The following BICC1 variants were observed in gnomAD, a reference collection of about 807,000 sequenced individuals.
BICC1 encodes protein bicaudal C homolog 1.
In BICC1, 43 loss-of-function variants were observed where a neutral mutation model predicts 111.0. That is an observed-to-expected ratio of 0.39 (90% CI 0.30 to 0.50). BICC1 has a LOEUF of 0.50. Ranked by LOEUF, BICC1 falls within the 20% of genes least tolerant of loss-of-function variation. The probability of loss-of-function intolerance (pLI) is 0.88; values close to 1 mark genes in which losing one functional copy is unlikely to be tolerated. For synonymous variants in BICC1, 467 were observed against 434.4 expected (o/e 1.07, Z -0.93); for missense variants, 1,091 against 1,203.2 (o/e 0.91, Z 1.38).
In BICC1 at chr10:58,598,528, C is replaced by G. The variant is rs527711450; in HGVS notation, c.191-22327C>G. On this transcript the variant is annotated intron_variant, in intron 1 of 20. Coordinates refer to ENST00000373886, the MANE Select transcript of BICC1 (RefSeq NM_001080512.3). ...AACTCAAGCTGGGTCAGAGACTTAA[C>G]TGTAAGACCTAGGACCATAAAAATC... is the stretch of plus-strand genomic sequence containing the variant. Among the ~76,000 whole-genome samples the G allele has an allele frequency of 6.6e-5, 10 of 152,170 alleles. No homozygotes were observed. The East Asian group carries it at 1.9e-3, about 29-fold the overall frequency.
chr10:58,790,946 T>C lies in BICC1; in HGVS notation c.1047+1013T>C, dbSNP rs181708037. Among the ~76,000 whole-genome samples, 72 of 152,358 alleles carry C rather than the reference T, an allele frequency of 4.7e-4. 1 individual carries two copies. In the East Asian group the frequency reaches 0.013, roughly 27 times the overall value. ...TATTCTCTCATTCAGTGCTTGACCT[T>C]TAGTGGCATTTGAATCAGTAAGCCT... is the stretch of plus-strand genomic sequence containing the variant. On this transcript the variant is annotated intron_variant, in intron 8 of 20. Coordinates refer to ENST00000373886, the MANE Select transcript of BICC1 (RefSeq NM_001080512.3).
intron 3 of BICC1, among the ~76,000 whole-genome samples, chr10:58,720,414 A>T (rs1840901381): frequency 6.6e-6 from 1 of 152,200 alleles, no homozygotes; most frequent in African/African-American, 2.4e-5. Flanking sequence ...TTGCCTGGGG[A>T]TTCTGGCCCT....
chr10:58,806,749 A>G (rs1438094152), intron 16 of BICC1, 126 bp downstream of exon 16: 1 of 887,164 alleles, frequency 1.1e-6, no homozygotes, highest in African/African-American at 1.7e-5. Flanking sequence ...TTTGGGTTCA[A>G]GTTGCATACA....
chr10:58,676,627 G>A (rs1326245863), intron 2 of BICC1, among the ~76,000 whole-genome samples: 1 of 152,214 alleles, frequency 6.6e-6, no homozygotes, highest in African/African-American at 2.4e-5. Flanking sequence ...AGCATCAGCA[G>A]GCTTAAATGT....
At chr10:58,528,535 C>T (rs892020695) in intron 1 of BICC1, among the ~76,000 whole-genome samples, 2 of 151,866 alleles carry the variant, frequency 1.3e-5, no homozygotes, top group African/African-American at 4.8e-5. Context: ...CAAATCTTCT[C>T]AGATAAGAGA....
intron 1 of BICC1, among the ~76,000 whole-genome samples, chr10:58,519,940 C>T (rs1842346700): frequency 1.3e-5 from 2 of 152,152 alleles, no homozygotes; most frequent in South Asian, 4.1e-4. Context: ...CCTCCTCCCA[C>T]TGTCCACACA....
chr10:58,739,285 T>G, intron 3 of BICC1, among the ~76,000 whole-genome samples: 1 of 152,170 alleles, frequency 6.6e-6, no homozygotes, highest in Non-Finnish European at 1.5e-5. Context: ...AGAGTTTTTA[T>G]CATGAAGGGC....
At chr10:58,599,733 A>T (rs1564506012) in intron 1 of BICC1, among the ~76,000 whole-genome samples, 1 of 152,124 alleles carries the variant, frequency 6.6e-6, no homozygotes, top group Non-Finnish European at 1.5e-5. Context: ...TGGGGACAGT[A>T]CCAGATCAGT....
chr10:58,613,730 T>A (rs6481408), intron 1 of BICC1, among the ~76,000 whole-genome samples: 1 of 152,100 alleles, frequency 6.6e-6, no homozygotes, highest in African/African-American at 2.4e-5. Flanking sequence ...TTTAATTTGG[T>A]TAGAATTGTG....
At chr10:58,601,173 T>TATAG (rs752405472) in intron 1 of BICC1, among the ~76,000 whole-genome samples, 1 of 131,090 alleles carries the variant, frequency 7.6e-6, no homozygotes, top group Non-Finnish European at 1.6e-5. Flanking sequence ...TATATATATC[T>TATAG]CCCAATAAAA....
chr10:58,573,585 A>T (rs542587386), intron 1 of BICC1, among the ~76,000 whole-genome samples: 2 of 152,230 alleles, frequency 1.3e-5, no homozygotes, highest in African/African-American at 4.8e-5. Flanking sequence ...CTCTTCAAAG[A>T]CTTTATTAGG....
intron 1 of BICC1, among the ~76,000 whole-genome samples, chr10:58,519,587 A>G (rs932638428): frequency 6.6e-6 from 1 of 152,184 alleles, no homozygotes; most frequent in African/African-American, 2.4e-5. Flanking sequence ...ATTATATATC[A>G]GTAGAATTTC....
intron 1 of BICC1, among the ~76,000 whole-genome samples, chr10:58,514,164 C>G (rs536716540): frequency 5.3e-5 from 8 of 152,180 alleles, no homozygotes; most frequent in Non-Finnish European, 1.0e-4. Flanking sequence ...GTCAAAACGT[C>G]CAAGGTCATT....
At position 58,708,175 on chromosome 10, in the gene BICC1, A is replaced by T. The variant is rs534850935; in HGVS notation, c.307+6032A>T. On this transcript the variant is annotated intron_variant, in intron 3 of 20. Transcript: ENST00000373886. The stretch of plus-strand genomic sequence containing the variant: ...TTTTTTTTTTTTTTGTATTTTTAGT[A>T]GAGACAGGGTTTTACCATGTTGGCC... Among the ~76,000 whole-genome samples the T allele has an allele frequency of 2.2e-3, 278 of 129,140 alleles. 1 individual carries two copies. Among genetic ancestry groups the T allele is most frequent in the African/African-American group, 7.8e-3 (260 of 33,420 alleles). 84.7% of individuals were successfully genotyped at this position (129,140 alleles called of 152,430 possible). A position where few individuals can be genotyped will look rare whatever the true frequency, so the allele number is the denominator to read the frequency against.
chr10:58,659,971 C>T (rs1838787819), intron 2 of BICC1, among the ~76,000 whole-genome samples: 1 of 152,130 alleles, frequency 6.6e-6, no homozygotes, highest in African/African-American at 2.4e-5. Context: ...TTGTGTGGTT[C>T]TTATAAGGAG....
chr10:58,792,073 T>G (rs545362776), intron 8 of BICC1, among the ~76,000 whole-genome samples: 4 of 152,324 alleles, frequency 2.6e-5, no homozygotes, highest in Admixed American at 1.3e-4. Context: ...ATTACAGGCA[T>G]GAGCCATGGT....
At chr10:58,814,787 C>A (rs1458761862) in intron 18 of BICC1, among the ~76,000 whole-genome samples, 1 of 151,378 alleles carries the variant, frequency 6.6e-6, no homozygotes, top group Non-Finnish European at 1.5e-5. Flanking sequence ...CAGAGCGAGA[C>A]CCTGTCTCAA....
chr10:58,682,261 C>A (rs950357812), intron 2 of BICC1, among the ~76,000 whole-genome samples: 5 of 152,126 alleles, frequency 3.3e-5, no homozygotes, highest in Non-Finnish European at 7.4e-5. Flanking sequence ...TTAATCCAGT[C>A]TATCATTGAT....
At chr10:58,755,533 G>A (rs1842119955) in intron 3 of BICC1, among the ~76,000 whole-genome samples, 1 of 152,134 alleles carries the variant, frequency 6.6e-6, no homozygotes, top group Non-Finnish European at 1.5e-5. Flanking sequence ...TGCTTCCTCT[G>A]CTTTAGGGAT....
Sources: allele counts gnomAD v4.1 joint callset (sites outside exome capture counted in the v4.1 genomes callset), GRCh38; gene constraint gnomAD v4.1.1; transcripts MANE v1.5; gene names NCBI Gene and HGNC (gene_info 2026-07-23, HGNC 2026-07-21).